Variants in DYM observed in about 807,000 individuals in gnomAD.
The protein encoded by DYM is dymeclin.
DYM carries 78 observed loss-of-function variants against 93.1 expected under a neutral mutation model. The observed-to-expected ratio is 0.84, with a 90% CI of 0.70 to 1.01. The LOEUF (loss-of-function observed/expected upper bound fraction) is 1.01, where lower values mean the gene tolerates loss of function less well. Among genes scored for constraint, DYM ranks in the 50% least tolerant of loss-of-function variants. DYM has a pLI of 0.00. For synonymous variants in DYM, 321 were observed against 319.7 expected, an observed-to-expected ratio of 1.00 and a Z score of -0.04; for missense variants, 789 against 845.0, an observed-to-expected ratio of 0.93 and a Z score of 0.82.
At chr18:49,094,251 A>T (rs533029992) in intron 17 of DYM, among the ~76,000 whole-genome samples, 1 of 152,338 alleles carries the variant, frequency 6.6e-6, no homozygotes, top group South Asian at 2.1e-4. Flanking sequence ...ACACGCACGG[A>T]TCTGGAAGAA....
chr18:49,257,354 TG>T (rs1162950289), intron 12 of DYM, among the ~76,000 whole-genome samples: 3 of 152,222 alleles, frequency 2.0e-5, no homozygotes, highest in Non-Finnish European at 2.9e-5. Context: ...TGAAATATTT[TG>T]CTACAGAAAT....
rs558117051 is a variant in DYM at position 49,054,000 on chromosome 18, T to C, written c.2026-9796A>G. ...TCTCCCAGGTAGTTCTGGCGAATAC[T>C]GGGGCCAGGAGGTTTTACGTGGGCT... On this transcript the variant is annotated intron_variant, in intron 17 of 17. Coordinates refer to ENST00000675505, the MANE Select transcript of DYM (RefSeq NM_001353214.3). Among the ~76,000 whole-genome samples the C allele has an allele frequency of 1.1e-3, 173 of 152,250 alleles. 1 individual carries two copies. The highest frequency in any genetic ancestry group is 4.0e-3 in the African/African-American group (166 of 41,538).
chr18:49,116,154 A>G (rs1020373026), intron 16 of DYM: 7 of 152,210 alleles, frequency 4.6e-5, no homozygotes, highest in African/African-American at 1.7e-4. Context: ...GCTTCTCATC[A>G]AGTATTTGTA....
intron 2 of DYM, among the ~76,000 whole-genome samples, chr18:49,417,186 T>G (rs2073092682): frequency 6.6e-6 from 1 of 152,166 alleles, no homozygotes; most frequent in African/African-American, 2.4e-5. Context: ...CTTGTTCTGT[T>G]GCCCAGGCTG....
intron 10 of DYM, among the ~76,000 whole-genome samples, chr18:49,277,564 CAG>C (rs904670018): frequency 2.0e-5 from 3 of 152,118 alleles, no homozygotes; most frequent in Non-Finnish European, 4.4e-5. Flanking sequence ...GATTAGGTAA[CAG>C]GGGTGGAGCC....
At chr18:49,106,457 G>C (rs2080821334) in intron 16 of DYM, among the ~76,000 whole-genome samples, 1 of 152,172 alleles carries the variant, frequency 6.6e-6, no homozygotes, top group Non-Finnish European at 1.5e-5. Flanking sequence ...TATGATGTTA[G>C]TTGGTTATTT....
At chr18:49,326,741 A>C (rs1229346084) in intron 8 of DYM, among the ~76,000 whole-genome samples, 1 of 152,180 alleles carries the variant, frequency 6.6e-6, no homozygotes. Context: ...ATTCAACTTA[A>C]GTGAAATACA....
chr18:49,280,652 C>T (rs2094947759), intron 10 of DYM, among the ~76,000 whole-genome samples: 1 of 152,192 alleles, frequency 6.6e-6, no homozygotes, highest in South Asian at 2.1e-4. Flanking sequence ...TGGGAGGCCA[C>T]CTCCACATGA....
intron 14 of DYM, among the ~76,000 whole-genome samples, chr18:49,207,846 C>T (rs1296508890): frequency 2.0e-5 from 3 of 152,118 alleles, no homozygotes; most frequent in Admixed American, 1.3e-4. Context: ...CATATAAAAT[C>T]TCCTATTGGT....
intron 14 of DYM, among the ~76,000 whole-genome samples, chr18:49,193,122 T>C (rs960654364): frequency 1.3e-5 from 2 of 152,166 alleles, no homozygotes; most frequent in Non-Finnish European, 2.9e-5. Context: ...TCTTTCCACA[T>C]TGTATTAAAA....
chr18:49,310,854 C>T lies in DYM; in HGVS notation c.763+21010G>A, dbSNP rs193169596. Among the ~76,000 whole-genome samples the T allele has an allele frequency of 3.1e-3, 469 of 151,972 alleles. 1 individual carries two copies. Among genetic ancestry groups the T allele is most frequent in the Admixed American group, 6.2e-3 (94 of 15,268 alleles). ...GTTGTTCAATTGAAACAATAAGGGC[C>T]ACATTTATAATGTTAAATTTTCTAG... On this transcript the variant is annotated intron_variant, in intron 8 of 17. Transcript: ENST00000675505.
In DYM at chr18:49,354,802, T is replaced by A. The variant is rs554379511; in HGVS notation, c.494+8359A>T. On this transcript the variant is annotated intron_variant, in intron 6 of 17. Transcript: ENST00000675505. ...AAACGCTGACAAGGATGTGGAGCAA[T>A]AGGAACTCTCATTCATTACTGGTGG... 5.9e-5 allele frequency among the ~76,000 whole-genome samples: 9 copies of A among 152,170 alleles called. No individual in the cohort carries two copies. The South Asian group carries it at 1.7e-3, about 28-fold the overall frequency.
At chr18:49,372,842 A>G (rs779785488) in intron 5 of DYM, among the ~76,000 whole-genome samples, 1 of 151,314 alleles carries the variant, frequency 6.6e-6, no homozygotes, top group Non-Finnish European at 1.5e-5. Flanking sequence ...AAAAGAAAGA[A>G]AAGGTCTGTC....
chr18:49,256,854 G>C (rs1226578569), intron 13 of DYM, among the ~76,000 whole-genome samples, 156 bp downstream of exon 13: 2 of 152,062 alleles, frequency 1.3e-5, no homozygotes, highest in Non-Finnish European at 2.9e-5. Context: ...AAACAAAATG[G>C]AACGAGCTAT....
intron 13 of DYM, among the ~76,000 whole-genome samples, chr18:49,222,884 T>C (rs1172953398): frequency 1.3e-5 from 2 of 152,138 alleles, no homozygotes; most frequent in Non-Finnish European, 2.9e-5. Flanking sequence ...TAAAACCGTT[T>C]AGTCAAATGA....
intron 2 of DYM, 122 bp downstream of exon 2, chr18:49,430,133 C>G: frequency 1.0e-6 from 1 of 968,932 alleles, no homozygotes; most frequent in Non-Finnish European, 1.6e-6. Flanking sequence ...TTCTACTGAT[C>G]TATGTATGAC....
intron 15 of DYM, among the ~76,000 whole-genome samples, chr18:49,120,531 C>T (rs2082291369): frequency 6.6e-6 from 1 of 152,172 alleles, no homozygotes; most frequent in South Asian, 2.1e-4. Flanking sequence ...TGGCATACTA[C>T]AGTTGCTCAC....
At chr18:49,272,152 C>T in intron 11 of DYM, 26 bp downstream of exon 11, 4 of 1,607,448 alleles carry the variant, frequency 2.5e-6, no homozygotes, top group Non-Finnish European at 3.4e-6. Context: ...TTAACTCTAA[C>T]TCTAATCCAA....
At chr18:49,130,179 G>T (rs1371668796) in intron 15 of DYM, among the ~76,000 whole-genome samples, 1 of 152,168 alleles carries the variant, frequency 6.6e-6, no homozygotes, top group Non-Finnish European at 1.5e-5. Flanking sequence ...CTCTTCTCCA[G>T]CCCTACTGCT....
Sources: gnomAD v4.1 joint callset for allele counts (sites outside exome capture counted in the v4.1 genomes callset) on GRCh38, gnomAD v4.1.1 for gene constraint, MANE v1.5 for transcripts, NCBI Gene and HGNC (gene_info 2026-07-23, HGNC 2026-07-21) for gene names.